The following SLC44A1 variants were observed in gnomAD, a reference collection of about 807,000 sequenced individuals.
SLC44A1 encodes the protein solute carrier family 44 member 1, also known as choline transporter-like protein 1.
A neutral mutation model predicts 79.3 loss-of-function variants in SLC44A1; 26 were observed. The ratio of observed to expected loss-of-function variants is 0.33; its 90% CI spans 0.24 to 0.46. The LOEUF is 0.46. Among genes scored for constraint, SLC44A1 ranks in the 20% least tolerant of loss-of-function variants. The pLI is 1.00. For synonymous variants in SLC44A1, 263 were observed against 286.2 expected (o/e 0.92, Z 0.82); for missense variants, 688 against 798.1 (o/e 0.86, Z 1.66).
chr9:105,279,933 AT>A (rs2131250837), intron 1 of SLC44A1, among the ~76,000 whole-genome samples: 1 of 152,360 alleles, frequency 6.6e-6, no homozygotes, highest in South Asian at 2.1e-4. Flanking sequence ...GCATAAAAAA[AT>A]CCCATTTATC....
intron 7 of SLC44A1, 148 bp downstream of exon 7, chr9:105,358,581 A>G: frequency 4.9e-6 from 3 of 616,564 alleles, no homozygotes; most frequent in South Asian, 2.1e-5. Flanking sequence ...TCTTATAATT[A>G]TATTTGCCCC....
intron 15 of SLC44A1, among the ~76,000 whole-genome samples, chr9:105,421,680 TG>T (rs1829251932): frequency 1.3e-5 from 2 of 151,180 alleles, no homozygotes; most frequent in African/African-American, 4.9e-5. Flanking sequence ...CTCCGCTTCC[TG>T]GGTTCACGCC....
rs936580123 is a variant in SLC44A1, at chr9:105,303,166, A to G, written c.126+3857A>G. Among the ~76,000 whole-genome samples, 5 of 152,072 alleles carry G rather than the reference A, an allele frequency of 3.3e-5. No homozygotes were observed. In the South Asian group the frequency reaches 1.0e-3, roughly 32 times the overall value. ...GTACACATCAGGAAACAAGAGTGGG[A>G]TGGATAAATAAAGCACCACTTTATT... On this transcript the variant is annotated intron_variant, in intron 2 of 15. Coordinates refer to ENST00000374720, the MANE Select transcript of SLC44A1 (RefSeq NM_080546.5).
chr9:105,364,780 G>A, intron 10 of SLC44A1, 60 bp downstream of exon 10: 1 of 1,363,198 alleles, frequency 7.3e-7, no homozygotes, highest in Non-Finnish European at 1.0e-6. Flanking sequence ...TCCGCAGGCT[G>A]GAGGGGAAGG....
At chr9:105,293,686 A>G (rs1011876442) in intron 1 of SLC44A1, among the ~76,000 whole-genome samples, 3 of 152,212 alleles carry the variant, frequency 2.0e-5, no homozygotes, top group Non-Finnish European at 4.4e-5. Context: ...AATTGTTTAT[A>G]ACATATCACT....
Position 105,299,216 on chromosome 9 carries a change from T to C in SLC44A1, c.37-4T>C. The C allele has an allele frequency of 3.2e-6, 5 of 1,585,880 alleles. No individual in the cohort carries two copies. The highest frequency in any genetic ancestry group is 4.3e-6 in the Non-Finnish European group (5 of 1,169,118). On this transcript the variant is annotated splice_region_variant and splice_polypyrimidine_tract_variant and intron_variant, in intron 1 of 15. Transcript: ENST00000374720. Reference sequence around the variant, plus strand: ...ACACTCTCTTATTTTGTATTTCCAATTAGAGCTCCAAACGAGAATGGAAGC... The same window carrying C: ...ACACTCTCTTATTTTGTATTTCCAACTAGAGCTCCAAACGAGAATGGAAGC...
At chr9:105,299,087 GA>G in intron 1 of SLC44A1, 132 bp from the exon 2 acceptor site, 1 of 614,600 alleles carries the variant, frequency 1.6e-6, no homozygotes, top group Non-Finnish European at 2.8e-6. Context: ...ACAAATATTT[GA>G]GTTGTGTCTT....
rs548740938 is a variant in SLC44A1, at chr9:105,360,910, T to G, written c.761-281T>G. Among the ~76,000 whole-genome samples the G allele has an allele frequency of 2.6e-5, 4 of 152,334 alleles. 1 individual carries two copies. The highest frequency in any genetic ancestry group is 9.6e-5 in the African/African-American group (4 of 41,578). ...TCCTGTCAGGGGTGTATGTTTCTACTGGCTCGCTCTTAGCTTCATAGTCAA... is the reference window on the plus strand; with the variant it reads ...TCCTGTCAGGGGTGTATGTTTCTACGGGCTCGCTCTTAGCTTCATAGTCAA... On this transcript the variant is annotated intron_variant, in intron 7 of 15. Transcript: ENST00000374720.
intron 14 of SLC44A1, among the ~76,000 whole-genome samples, chr9:105,383,675 T>A (rs1828544816): frequency 6.6e-6 from 1 of 152,218 alleles, no homozygotes; most frequent in Admixed American, 6.5e-5. Context: ...TCTAGCCTTT[T>A]CCTGAAATGG....
At chr9:105,327,333 A>G (rs140557828) in intron 3 of SLC44A1, among the ~76,000 whole-genome samples, 1 of 152,216 alleles carries the variant, frequency 6.6e-6, no homozygotes, top group Non-Finnish European at 1.5e-5. Context: ...CCCAGGCTGG[A>G]GTACAGTGGT....
At chr9:105,437,726 C>T (rs1829482114) in intron 15 of SLC44A1, among the ~76,000 whole-genome samples, 1 of 152,170 alleles carries the variant, frequency 6.6e-6, no homozygotes, top group South Asian at 2.1e-4. Flanking sequence ...TCTGATCTGA[C>T]CCACTGCTAA....
chr9:105,280,984 T>C (rs179177), intron 1 of SLC44A1, among the ~76,000 whole-genome samples: 28,359 of 152,160 alleles, frequency 0.19, 4,231 homozygotes, highest in African/African-American at 0.42. Flanking sequence ...GAAACCCTCT[T>C]AAGATCACCC....
Position 105,430,579 on chromosome 9 carries a change from ATGT to A in SLC44A1, c.1951-7698_1951-7696del, listed in dbSNP as rs1829379985. 2.0e-5 allele frequency among the ~76,000 whole-genome samples: 3 copies of A among 152,224 alleles called. No homozygotes were observed. In the South Asian group the frequency reaches 6.2e-4, roughly 31 times the overall value. On this transcript the variant is annotated intron_variant, in intron 15 of 15. Coordinates refer to the SLC44A1 transcript ENST00000374724. ...CTTAGCATGTTTTCAAGTTTCAATA[ATGT>A]TGTAGCATATACCAATATTTCATCT...
chr9:105,261,836 A>G (rs1588709819), intron 1 of SLC44A1, among the ~76,000 whole-genome samples: 1 of 146,698 alleles, frequency 6.8e-6, no homozygotes, highest in South Asian at 2.1e-4. Context: ...CTGGAGTGCA[A>G]TGGCACGATC....
chr9:105,245,949 T>G (rs1305704774), intron 1 of SLC44A1, among the ~76,000 whole-genome samples: 1 of 152,194 alleles, frequency 6.6e-6, no homozygotes, highest in African/African-American at 2.4e-5. Context: ...ACAAATACTA[T>G]AAAAAGCAAT....
intron 15 of SLC44A1, among the ~76,000 whole-genome samples, chr9:105,407,632 G>A (rs537905463): frequency 6.6e-6 from 1 of 152,244 alleles, no homozygotes; most frequent in African/African-American, 2.4e-5. Context: ...CACTTTGGGA[G>A]GCTGAGGCAG....
At chr9:105,328,580 C>G (rs1826654070) in intron 3 of SLC44A1, among the ~76,000 whole-genome samples, 1 of 152,150 alleles carries the variant, frequency 6.6e-6, no homozygotes, top group African/African-American at 2.4e-5. Flanking sequence ...GTATTGCTGT[C>G]TTAGTCTGAT....
intron 15 of SLC44A1, among the ~76,000 whole-genome samples, chr9:105,407,591 G>A (rs1230421191): frequency 6.6e-6 from 1 of 152,206 alleles, no homozygotes; most frequent in Non-Finnish European, 1.5e-5. Flanking sequence ...AGGCACAGTG[G>A]CTCACACCTG....
chr9:105,416,692 G>T (rs1170367759), intron 15 of SLC44A1, among the ~76,000 whole-genome samples: 1 of 152,210 alleles, frequency 6.6e-6, no homozygotes, highest in Non-Finnish European at 1.5e-5. Context: ...TGTGAGGCTG[G>T]AAATGATAAG....
Sources: gnomAD v4.1 joint callset for allele counts (sites outside exome capture counted in the v4.1 genomes callset) on GRCh38, gnomAD v4.1.1 for gene constraint, MANE v1.5 for transcripts, NCBI Gene and HGNC (gene_info 2026-07-23, HGNC 2026-07-21) for gene names.